The following ATG5 variants were observed in gnomAD, a reference collection of about 807,000 sequenced individuals.
The protein encoded by ATG5 is autophagy protein 5.
Under a neutral mutation model 36.5 loss-of-function variants are expected in ATG5, and 14 were observed. The observed-to-expected ratio is 0.38, with a 90% CI of 0.25 to 0.60. The LOEUF (loss-of-function observed/expected upper bound fraction) is 0.60. ATG5 is among the 20% of genes least tolerant of loss of function. ATG5 has a pLI of 0.60. For synonymous variants in ATG5, 95 were observed against 101.5 expected, an observed-to-expected ratio of 0.94 and a Z score of 0.38; for missense variants, 195 against 326.7, an observed-to-expected ratio of 0.60 and a Z score of 3.11.
At chr6:106,217,686 A>C (rs971335079) in intron 6 of ATG5, 6 of 152,204 alleles carry the variant, frequency 3.9e-5, no homozygotes, top group African/African-American at 1.4e-4. Flanking sequence ...CAAAAGAACA[A>C]TGTTATAAAT....
chr6:106,227,558 T>G, intron 6 of ATG5, among the ~76,000 whole-genome samples: 1 of 152,050 alleles, frequency 6.6e-6, no homozygotes, highest in South Asian at 2.1e-4. Flanking sequence ...ACTGTGCCAC[T>G]GCACTCTTGC....
intron 4 of ATG5, among the ~76,000 whole-genome samples, chr6:106,286,637 A>G (rs531535679): frequency 9.2e-5 from 14 of 152,110 alleles, no homozygotes; most frequent in African/African-American, 3.4e-4. Flanking sequence ...AGGTGATGGG[A>G]TGTTACCCCA....
At chr6:106,284,179 C>A (rs898827392) in intron 4 of ATG5, among the ~76,000 whole-genome samples, 3 of 152,164 alleles carry the variant, frequency 2.0e-5, no homozygotes, top group Non-Finnish European at 4.4e-5. Flanking sequence ...ATTACATATT[C>A]AGTTCTCTTG....
chr6:106,217,181 CA>C (rs1350910933), intron 6 of ATG5, among the ~76,000 whole-genome samples: 2 of 152,038 alleles, frequency 1.3e-5, no homozygotes, highest in East Asian at 1.9e-4. Flanking sequence ...TCTACCTTAT[CA>C]ATTCAGAAAA....
intron 6 of ATG5, among the ~76,000 whole-genome samples, chr6:106,204,357 TTGAG>T (rs1418279538): frequency 1.3e-5 from 2 of 152,180 alleles, no homozygotes; most frequent in Non-Finnish European, 2.9e-5. Context: ...AATAATATAT[TTGAG>T]TGTTTGTGAC....
chr6:106,267,550 G>A (rs1034437084), intron 5 of ATG5, among the ~76,000 whole-genome samples: 9 of 152,156 alleles, frequency 5.9e-5, no homozygotes, highest in Admixed American at 5.9e-4. Flanking sequence ...TAAGCAAAAA[G>A]AACGAAGCTG....
intron 7 of ATG5, among the ~76,000 whole-genome samples, chr6:106,194,491 C>T (rs1776096713): frequency 6.6e-6 from 1 of 152,042 alleles, no homozygotes; most frequent in South Asian, 2.1e-4. Context: ...TAATCATATA[C>T]AGCAAAGGAG....
intron 6 of ATG5, among the ~76,000 whole-genome samples, chr6:106,228,473 C>A (rs1191503587): frequency 6.6e-6 from 1 of 152,152 alleles, no homozygotes; most frequent in African/African-American, 2.4e-5. Flanking sequence ...CTTCTGTGAC[C>A]CGTGGCTTCT....
intron 5 of ATG5, among the ~76,000 whole-genome samples, chr6:106,268,297 T>A (rs1397006041): frequency 6.6e-6 from 1 of 152,206 alleles, no homozygotes; most frequent in African/African-American, 2.4e-5. Context: ...TCACTGATCA[T>A]TAGAGAAATG....
intron 1 of ATG5, among the ~76,000 whole-genome samples, chr6:106,316,887 T>C (rs1250575699): frequency 1.3e-5 from 2 of 152,196 alleles, no homozygotes; most frequent in Non-Finnish European, 2.9e-5. Context: ...AGTGGCCCCC[T>C]GAACACCTTT....
chr6:106,268,373 AAAC>A (rs1779307782), intron 5 of ATG5, among the ~76,000 whole-genome samples: 1 of 152,232 alleles, frequency 6.6e-6, no homozygotes, highest in Non-Finnish European at 1.5e-5. Context: ...AAAAGTCAGG[AAAC>A]AACAGATGCT....
chr6:106,197,737 G>T (rs975356463), intron 7 of ATG5, among the ~76,000 whole-genome samples: 5 of 152,012 alleles, frequency 3.3e-5, no homozygotes, highest in Admixed American at 6.6e-5. Context: ...GCAGCCTGAG[G>T]GTCTCATGAG....
At chr6:106,241,325 G>C (rs1778115625) in intron 6 of ATG5, among the ~76,000 whole-genome samples, 1 of 152,200 alleles carries the variant, frequency 6.6e-6, no homozygotes, top group South Asian at 2.1e-4. Context: ...AGGATGGCTA[G>C]TATGAAGAAC....
chr6:106,322,723 A>C (rs1771135994), intron 1 of ATG5, among the ~76,000 whole-genome samples: 1 of 151,856 alleles, frequency 6.6e-6, no homozygotes, highest in Non-Finnish European at 1.5e-5. Flanking sequence ...TCCTTGAACC[A>C]CTCCCTTGAA....
intron 6 of ATG5, among the ~76,000 whole-genome samples, chr6:106,228,036 A>C (rs996709787): frequency 9.2e-5 from 14 of 152,232 alleles, no homozygotes; most frequent in Admixed American, 9.2e-4. Context: ...GGAGGGGCTT[A>C]AACTGATTAT....
intron 6 of ATG5, among the ~76,000 whole-genome samples, chr6:106,217,866 C>T (rs1003554236): frequency 1.3e-5 from 2 of 151,942 alleles, no homozygotes; most frequent in Non-Finnish European, 2.9e-5. Context: ...TGATACATCC[C>T]AACAGTATTT....
chr6:106,261,480 G>A (rs1412825444), intron 5 of ATG5, among the ~76,000 whole-genome samples: 1 of 152,220 alleles, frequency 6.6e-6, no homozygotes, highest in East Asian at 1.9e-4. Flanking sequence ...TGGAATAGAT[G>A]AGAAACTTCA....
intron 5 of ATG5, among the ~76,000 whole-genome samples, chr6:106,258,421 A>G (rs1169345654): frequency 6.6e-6 from 1 of 152,158 alleles, no homozygotes; most frequent in Non-Finnish European, 1.5e-5. Flanking sequence ...AAACAATACT[A>G]GAGTGAGAAA....
intron 6 of ATG5, among the ~76,000 whole-genome samples, chr6:106,228,057 G>A (rs955344160): frequency 6.6e-6 from 1 of 152,170 alleles, no homozygotes; most frequent in Non-Finnish European, 1.5e-5. Context: ...TTTACAGCTT[G>A]GGTGCAATTA....
Sources: allele counts gnomAD v4.1 joint callset (sites outside exome capture counted in the v4.1 genomes callset), GRCh38; gene constraint gnomAD v4.1.1; transcripts MANE v1.5; gene names NCBI Gene and HGNC (gene_info 2026-07-23, HGNC 2026-07-21).